Variants in FKBP5 observed in about 807,000 individuals in gnomAD.
The protein encoded by FKBP5 is peptidyl-prolyl cis-trans isomerase FKBP5.
Under a neutral mutation model 50.5 loss-of-function variants are expected in FKBP5, and 23 were observed. The observed-to-expected ratio is 0.46, with a 90% CI of 0.33 to 0.65. The LOEUF (loss-of-function observed/expected upper bound fraction) is 0.65. Among genes scored for constraint, FKBP5 ranks in the 30% least tolerant of loss-of-function variants. FKBP5 has a pLI of 0.02. For synonymous variants in FKBP5, 176 were observed against 190.6 expected, an observed-to-expected ratio of 0.92 and a Z score of 0.63; for missense variants, 411 against 553.1, an observed-to-expected ratio of 0.74 and a Z score of 2.58.
chr6:35,580,472 G>A, intron 8 of FKBP5: 1 of 347,068 alleles, frequency 2.9e-6, no homozygotes, highest in Non-Finnish European at 5.2e-6. Context: ...CCTTCAGCAG[G>A]TGTAGTACAG....
At chr6:35,648,909 A>G (rs1026194717) in intron 1 of FKBP5, among the ~76,000 whole-genome samples, 2 of 152,066 alleles carry the variant, frequency 1.3e-5, no homozygotes, top group Non-Finnish European at 2.9e-5. Flanking sequence ...AGATTGTGCC[A>G]TTGCACTCCA....
chr6:35,705,275 T>C (rs1374276636), intron 2 of FKBP5, among the ~76,000 whole-genome samples: 1 of 17,924 alleles, frequency 5.6e-5, no homozygotes, highest in Admixed American at 7.2e-4. Flanking sequence ...TTTTTTTTTT[T>C]TTTTTTTTGG....
At chr6:35,726,465 T>C (rs1766712636) in intron 1 of FKBP5, among the ~76,000 whole-genome samples, 1 of 151,582 alleles carries the variant, frequency 6.6e-6, no homozygotes, top group East Asian at 1.9e-4. Context: ...GTGAAGTGCC[T>C]AGCGTGGAGG....
chr6:35,688,415 G>A (rs1483866181), intron 1 of FKBP5, among the ~76,000 whole-genome samples: 1 of 152,084 alleles, frequency 6.6e-6, no homozygotes, highest in Non-Finnish European at 1.5e-5. Flanking sequence ...AGAGACCGGA[G>A]GCGGAGCGGG....
chr6:35,614,538 A>T (rs1312881667), intron 5 of FKBP5, among the ~76,000 whole-genome samples: 7 of 152,186 alleles, frequency 4.6e-5, no homozygotes, highest in Non-Finnish European at 8.8e-5. Context: ...GGAAGAAAGA[A>T]GTTACCTCAG....
intron 1 of FKBP5, among the ~76,000 whole-genome samples, chr6:35,674,403 T>C (rs1765474912): frequency 6.6e-6 from 1 of 152,178 alleles, no homozygotes; most frequent in Non-Finnish European, 1.5e-5. Flanking sequence ...CCAAGTTCCC[T>C]CAGTACATAT....
At chr6:35,701,741 A>T (rs1766193609) in intron 2 of FKBP5, among the ~76,000 whole-genome samples, 1 of 150,760 alleles carries the variant, frequency 6.6e-6, no homozygotes, top group Non-Finnish European at 1.5e-5. Context: ...GGGTCTCACT[A>T]TGTTGCCCAG....
At chr6:35,586,641 A>C in intron 8 of FKBP5, 1 of 1,008,248 alleles carries the variant, frequency 9.9e-7, no homozygotes, top group Middle Eastern at 5.0e-4. Context: ...AAATGATGTG[A>C]AACTTACCCT....
chr6:35,580,258 T>C, intron 8 of FKBP5, 37 bp from the exon 9 acceptor site: 1 of 1,526,056 alleles, frequency 6.6e-7, no homozygotes, highest in Non-Finnish European at 9.0e-7. Flanking sequence ...TACTCAGCTC[T>C]TGAGGGGGTA....
At chr6:35,586,729 T>C in intron 8 of FKBP5, 4 of 1,233,712 alleles carry the variant, frequency 3.2e-6, no homozygotes, top group Non-Finnish European at 4.1e-6. Context: ...GTGCCAACTA[T>C]GTACCAAGCA....
At chr6:35,588,135 C>T (rs1390458684) in intron 7 of FKBP5, among the ~76,000 whole-genome samples, 1 of 151,566 alleles carries the variant, frequency 6.6e-6, no homozygotes, top group Non-Finnish European at 1.5e-5. Flanking sequence ...AAGTGATTCT[C>T]CTGCCTCAGC....
At chr6:35,616,260 A>AT (rs1763653383) in intron 5 of FKBP5, among the ~76,000 whole-genome samples, 3 of 139,876 alleles carry the variant, frequency 2.1e-5, no homozygotes, top group African/African-American at 7.9e-5. Context: ...GGTTGCAGTG[A>AT]GCTGCGATAG....
chr6:35,609,129 T>C (rs1190235270), intron 5 of FKBP5, among the ~76,000 whole-genome samples: 3 of 152,214 alleles, frequency 2.0e-5, no homozygotes, highest in African/African-American at 7.2e-5. Flanking sequence ...ATTACAGCTC[T>C]ACTGCTTCAG....
At chr6:35,674,085 T>C (rs1765464955) in intron 1 of FKBP5, among the ~76,000 whole-genome samples, 1 of 152,160 alleles carries the variant, frequency 6.6e-6, no homozygotes, top group South Asian at 2.1e-4. Flanking sequence ...ATTTAGGATC[T>C]AGACTGGGGT....
chr6:35,688,031 G>C (rs1002123233), intron 1 of FKBP5, among the ~76,000 whole-genome samples: 2 of 152,248 alleles, frequency 1.3e-5, no homozygotes, highest in Non-Finnish European at 2.9e-5. Flanking sequence ...GAACAGAAGA[G>C]CATAAGGAGC....
chr6:35,693,678 G>T (rs1039498329), upstream of FKBP5, among the ~76,000 whole-genome samples: 102 of 151,930 alleles, frequency 6.7e-4, no homozygotes, highest in African/African-American at 2.4e-3. Flanking sequence ...ATGCCACCAC[G>T]CCCAGCTAAT....
At chr6:35,634,203 G>GT (rs1764243922) in intron 3 of FKBP5, among the ~76,000 whole-genome samples, 1 of 152,076 alleles carries the variant, frequency 6.6e-6, no homozygotes, top group South Asian at 2.1e-4. Context: ...TAAGGATAGA[G>GT]TAAGGATTTA....
In FKBP5 at chr6:35,697,601, C is replaced by G. The variant is rs544863222; in HGVS notation, c.-20+22727G>C. ...TAATAGATGCTACAACATGTATGAA[C>G]CTTGAAAACATAATAAATGAAACTA... On this transcript the variant is annotated intron_variant, in intron 2 of 11. Transcript: ENST00000536438. Among the ~76,000 whole-genome samples the G allele has an allele frequency of 1.1e-3, 164 of 148,820 alleles. 1 individual carries two copies. Among genetic ancestry groups the G allele is most frequent in the African/African-American group, 3.9e-3 (157 of 40,394 alleles).
intron 3 of FKBP5, among the ~76,000 whole-genome samples, chr6:35,633,109 C>T (rs1256765443): frequency 6.6e-6 from 1 of 151,970 alleles, no homozygotes; most frequent in Non-Finnish European, 1.5e-5. Context: ...GATGACTTTC[C>T]ATTGAAATAT....
Sources: gnomAD v4.1 joint callset for allele counts (sites outside exome capture counted in the v4.1 genomes callset) on GRCh38, gnomAD v4.1.1 for gene constraint, MANE v1.5 for transcripts, NCBI Gene and HGNC (gene_info 2026-07-23, HGNC 2026-07-21) for gene names.